Variants in TNFRSF8 observed in about 807,000 individuals in gnomAD.
The protein encoded by TNFRSF8 is TNF receptor superfamily member 8.
TNFRSF8 carries 26 observed loss-of-function variants against 70.8 expected under a neutral mutation model. That is an observed-to-expected ratio of 0.37 (90% CI 0.27 to 0.51). The LOEUF (loss-of-function observed/expected upper bound fraction) is 0.51, where lower values mean the gene tolerates loss of function less well. TNFRSF8 is among the 20% of genes least tolerant of loss of function. The pLI is 0.94. For synonymous variants in TNFRSF8, 356 were observed against 339.2 expected (o/e 1.05, Z -0.54); for missense variants, 720 against 807.9 (o/e 0.89, Z 1.32).
At chr1:12,080,605 TG>T (rs1207969730) in intron 1 of TNFRSF8, 7 of 338,732 alleles carry the variant, frequency 2.1e-5, no homozygotes, top group Non-Finnish European at 4.0e-5. Context: ...TTGCCTAGGC[TG>T]GAGTGCAATG....
At chr1:12,133,936 C>G (rs1477595154) in intron 12 of TNFRSF8, among the ~76,000 whole-genome samples, 2 of 151,766 alleles carry the variant, frequency 1.3e-5, no homozygotes, top group Non-Finnish European at 2.9e-5. Flanking sequence ...GTCGGTAATC[C>G]CAGCTACTTG....
intron 12 of TNFRSF8, among the ~76,000 whole-genome samples, chr1:12,129,077 C>T (rs1244914287): frequency 6.6e-6 from 1 of 152,106 alleles, no homozygotes; most frequent in Admixed American, 6.5e-5. Flanking sequence ...TCATGATCCG[C>T]CTGCCTCGGC....
rs1451323027 is a variant in TNFRSF8 at position 12,109,674 on chromosome 1, C to T, written c.512+18C>T. 2 of 1,605,434 alleles carry T rather than the reference C, an allele frequency of 1.2e-6. No individual in the cohort carries two copies. Among genetic ancestry groups the T allele is most frequent in the African/African-American group, 1.3e-5 (1 of 74,884 alleles). On this transcript the variant is annotated intron_variant, in intron 5 of 14. Transcript: ENST00000263932. The surrounding 1 kb of genome is among the most constrained non-coding windows in gnomAD (Gnocchi z 4.4). ...CCCTCCAGGTGACTCCCTGGCTTTG[C>T]CTCCTCCTCTTCCCCCAAGCTGGCT...
rs908481430 is a variant in TNFRSF8, at chr1:12,138,957, C to A, written c.1543+521C>A. On this transcript the variant is annotated intron_variant, in intron 14 of 14. Transcript: ENST00000263932. The surrounding 1 kb of genome is among the most constrained non-coding windows in gnomAD (Gnocchi z 5.7). ...GTCCCGCATCTGCTGGGCCTTGAAGCCCGTGGTTTGTCCACGTTACCACCC... is the reference window on the plus strand; with the variant it reads ...GTCCCGCATCTGCTGGGCCTTGAAGACCGTGGTTTGTCCACGTTACCACCC... Among the ~76,000 whole-genome samples the A allele has an allele frequency of 3.9e-5, 6 of 152,178 alleles. No individual in the cohort carries two copies. The highest frequency in any genetic ancestry group is 1.2e-4 in the African/African-American group (5 of 41,432).
At chr1:12,096,585 C>G (rs1223662624) in intron 2 of TNFRSF8, among the ~76,000 whole-genome samples, 1 of 152,102 alleles carries the variant, frequency 6.6e-6, no homozygotes, top group Non-Finnish European at 1.5e-5. Context: ...AAAGTTATGG[C>G]TCTCCTAATT....
intron 3 of TNFRSF8, among the ~76,000 whole-genome samples, chr1:12,103,231 G>T (rs11569845): frequency 0.057 from 8,679 of 152,036 alleles, 332 homozygotes; most frequent in Non-Finnish European, 0.08. Flanking sequence ...GGGCGTGGTG[G>T]TGTGTGCCTG....
At chr1:12,128,425 G>A (rs1201122) in intron 12 of TNFRSF8, among the ~76,000 whole-genome samples, 106,007 of 152,076 alleles carry the variant, frequency 0.7, 37,222 homozygotes, top group Admixed American at 0.78. Flanking sequence ...CGAGTGGATC[G>A]ACCTTCCCGT....
rs1368280553 is a variant in TNFRSF8 at position 12,119,619 on chromosome 1, A to G, written c.947-3665A>G. ...TTTTATTATTATTTTTATTATTTTT[A>G]GAGACAGGGTCTCACTCTGTGTTCC... On this transcript the variant is annotated intron_variant, in intron 8 of 14. Transcript: ENST00000263932. The surrounding 1 kb of genome is among the most constrained non-coding windows in gnomAD (Gnocchi z 4.4). Among the ~76,000 whole-genome samples the G allele has an allele frequency of 6.8e-6, 1 of 146,284 alleles. No homozygotes were observed. The highest frequency in any genetic ancestry group is 1.5e-5 in the Non-Finnish European group (1 of 66,874).
At chr1:12,117,881 T>C (rs902611811) in intron 8 of TNFRSF8, among the ~76,000 whole-genome samples, 11 of 152,084 alleles carry the variant, frequency 7.2e-5, no homozygotes, top group Admixed American at 6.6e-4. Flanking sequence ...CTGTTGCCTT[T>C]TATTCCACTC....
At chr1:12,136,020 A>T (rs1403791132) in intron 13 of TNFRSF8, among the ~76,000 whole-genome samples, 1 of 151,468 alleles carries the variant, frequency 6.6e-6, no homozygotes, top group Non-Finnish European at 1.5e-5. Context: ...CTCTTCCATG[A>T]ATCTCATCCT....
chr1:12,120,342 G>A (rs888094946), intron 8 of TNFRSF8, among the ~76,000 whole-genome samples: 3 of 152,174 alleles, frequency 2.0e-5, no homozygotes, highest in Non-Finnish European at 4.4e-5. Flanking sequence ...GGAAGGCTCC[G>A]AGGAAGTGTT....
intron 10 of TNFRSF8, 36 bp downstream of exon 10, chr1:12,123,863 A>G: frequency 6.6e-7 from 1 of 1,517,886 alleles, no homozygotes; most frequent in Non-Finnish European, 8.9e-7. Context: ...TACTCCCAGC[A>G]GGGGCTTCCT....
intron 1 of TNFRSF8, among the ~76,000 whole-genome samples, chr1:12,068,102 A>G (rs1182113026): frequency 6.6e-6 from 1 of 151,644 alleles, no homozygotes; most frequent in Non-Finnish European, 1.5e-5. Flanking sequence ...TCTGACTTAG[A>G]CTCGTTTCTT....
At chr1:12,107,639 G>C (rs1343379780) in intron 4 of TNFRSF8, among the ~76,000 whole-genome samples, 1 of 152,118 alleles carries the variant, frequency 6.6e-6, no homozygotes, top group Non-Finnish European at 1.5e-5. Flanking sequence ...GAGCTGGCCT[G>C]TGTGACTCGC....
intron 1 of TNFRSF8, among the ~76,000 whole-genome samples, chr1:12,075,241 C>CAA (rs1242001829): frequency 7.4e-6 from 1 of 134,300 alleles, no homozygotes; most frequent in African/African-American, 2.9e-5. Context: ...GAGACTCTGC[C>CAA]AAAAAAAAAA....
At chr1:12,070,775 G>A (rs1441330806) in intron 1 of TNFRSF8, among the ~76,000 whole-genome samples, 1 of 152,226 alleles carries the variant, frequency 6.6e-6, no homozygotes, top group African/African-American at 2.4e-5. Context: ...GAAAAAACAA[G>A]CAAAGGATAG....
chr1:12,131,086 C>G (rs1642039551), intron 12 of TNFRSF8, among the ~76,000 whole-genome samples: 1 of 152,194 alleles, frequency 6.6e-6, no homozygotes, highest in African/African-American at 2.4e-5. Context: ...CCATCCTGGG[C>G]TTTTCCTGAA....
intron 2 of TNFRSF8, among the ~76,000 whole-genome samples, chr1:12,085,209 C>T (rs1293909866): frequency 6.6e-6 from 1 of 152,164 alleles, no homozygotes; most frequent in Non-Finnish European, 1.5e-5. Flanking sequence ...CTCCCGGGTT[C>T]AAGCGATTCT....
At chr1:12,100,786 A>G (rs1175113044) in intron 3 of TNFRSF8, among the ~76,000 whole-genome samples, 1 of 152,096 alleles carries the variant, frequency 6.6e-6, no homozygotes, top group Non-Finnish European at 1.5e-5. Context: ...GTGAAACCCC[A>G]TCTCTACTAA....
Sources: allele counts gnomAD v4.1 joint callset (sites outside exome capture counted in the v4.1 genomes callset), GRCh38; gene constraint gnomAD v4.1.1; non-coding constraint Gnocchi (gnomAD v3.1); transcripts MANE v1.5; gene names NCBI Gene and HGNC (gene_info 2026-07-23, HGNC 2026-07-21).